The following DMD variants were observed in gnomAD, a reference collection of about 807,000 sequenced individuals.
DMD encodes dystrophin.
Under a neutral mutation model 330.1 loss-of-function variants are expected in DMD, and 63 were observed. That is an observed-to-expected ratio of 0.19 (90% CI 0.16 to 0.24). DMD has a LOEUF of 0.24. DMD is among the 10% of genes least tolerant of loss of function. The pLI, the probability that DMD is intolerant of heterozygous loss-of-function variation, is 1.00. For missense variants in DMD, 3,344 were observed against 2,684.1 expected (o/e 1.25, Z -5.43); for synonymous variants, 1,223 against 959.8 (o/e 1.27, Z -5.07).
chrX:32,808,726 C>G (rs1238144387), intron 7 of DMD, among the ~76,000 whole-genome samples: 1 of 111,772 alleles, frequency 8.9e-6, no homozygotes, highest in Non-Finnish European at 1.9e-5. Context: ...TCTTCAATCC[C>G]ACCGATTTCA....
At chrX:32,979,620 A>C (rs1489213754) in intron 2 of DMD, among the ~76,000 whole-genome samples, 3 of 112,049 alleles carry the variant, frequency 2.7e-5, no homozygotes, top group Non-Finnish European at 3.8e-5. Flanking sequence ...CTGGTAAAGA[A>C]AACAAAGAAG....
intron 6 of DMD, among the ~76,000 whole-genome samples, chrX:32,810,623 T>A (rs2077300948): frequency 8.9e-6 from 1 of 112,200 alleles, no homozygotes; most frequent in Non-Finnish European, 1.9e-5. Flanking sequence ...CTTCTGACTA[T>A]CCTCACTGCC....
At chrX:32,757,284 C>G (rs987803986) in intron 7 of DMD, among the ~76,000 whole-genome samples, 1 of 111,363 alleles carries the variant, frequency 9.0e-6, no homozygotes, top group Non-Finnish European at 1.9e-5. Context: ...CCTCTCCAAC[C>G]TAACTGAAAT....
At chrX:31,373,038 G>C (rs1478351696) in intron 60 of DMD, among the ~76,000 whole-genome samples, 15 of 110,360 alleles carry the variant, frequency 1.4e-4, no homozygotes, top group Admixed American at 6.8e-4. Flanking sequence ...AACAGACAGA[G>C]AGCCAAATCA....
intron 2 of DMD, among the ~76,000 whole-genome samples, chrX:32,912,039 G>GAT (rs1408054471): frequency 2.9e-5 from 2 of 67,856 alleles, no homozygotes; most frequent in Non-Finnish European, 5.8e-5. Flanking sequence ...GGGAGAGAGA[G>GAT]AGAGAGAGAG....
At chrX:33,050,007 C>T (rs965713693) in intron 1 of DMD, among the ~76,000 whole-genome samples, 1 of 111,526 alleles carries the variant, frequency 9.0e-6, no homozygotes, top group Non-Finnish European at 1.9e-5. Context: ...AATATTAAAA[C>T]GTGTATTTAA....
At chrX:31,344,322 G>T (rs954325106) in intron 61 of DMD, among the ~76,000 whole-genome samples, 1 of 111,394 alleles carries the variant, frequency 9.0e-6, no homozygotes, top group African/African-American at 3.3e-5. Flanking sequence ...GTATAAAAAG[G>T]ATATTAGCCA....
chrX:32,992,698 T>A (rs1393145863), intron 2 of DMD, among the ~76,000 whole-genome samples: 1 of 110,148 alleles, frequency 9.1e-6, no homozygotes, highest in Non-Finnish European at 1.9e-5. Context: ...CCTGAGGTCA[T>A]GAGTTCAAGA....
chrX:32,824,653 T>G (rs752765470), intron 4 of DMD, among the ~76,000 whole-genome samples: 2 of 111,629 alleles, frequency 1.8e-5, no homozygotes, highest in Non-Finnish European at 3.8e-5. Context: ...TGAGGGACCC[T>G]TGTAATGGTG....
chrX:33,239,711 G>T (rs1430386615), intron 1 of DMD, among the ~76,000 whole-genome samples: 2 of 111,378 alleles, frequency 1.8e-5, no homozygotes, highest in African/African-American at 6.5e-5. Flanking sequence ...GTTAAATCTA[G>T]CTAATTAACA....
chrX:32,885,838 A>C lies in DMD; in HGVS notation c.94-36018T>G, dbSNP rs1390784191. Among the ~76,000 whole-genome samples, 3 of 108,403 alleles carry C rather than the reference A, an allele frequency of 2.8e-5. No homozygotes were observed. The South Asian group carries it at 1.2e-3, about 43-fold the overall frequency. The allele number at this position is 108,403 out of a possible 115,157, so 94.1% of individuals were successfully genotyped here. On this transcript the variant is annotated intron_variant, in intron 2 of 78. Transcript: ENST00000357033. ...TTTCCCTTGAGGGGGAAAAAAAAAA[A>C]AAAAAAAAAAACCTTTCCTTTCAGG...
intron 17 of DMD, among the ~76,000 whole-genome samples, chrX:32,519,058 A>G (rs1324092460): frequency 4.4e-5 from 3 of 68,710 alleles, no homozygotes; most frequent in Non-Finnish European, 7.4e-5. Context: ...GGGATAAATT[A>G]TTCATTCTAA....
intron 2 of DMD, among the ~76,000 whole-genome samples, chrX:32,995,567 A>G (rs1199467759): frequency 8.9e-6 from 1 of 112,093 alleles, no homozygotes; most frequent in Non-Finnish European, 1.9e-5. Context: ...ATTTCACACA[A>G]TACTAGAAAT....
intron 2 of DMD, among the ~76,000 whole-genome samples, chrX:32,981,569 G>A (rs888641773): frequency 1.8e-5 from 2 of 111,518 alleles, no homozygotes; most frequent in South Asian, 7.5e-4. Flanking sequence ...CCTAGCATTT[G>A]CAAGACTAGG....
At chrX:32,736,911 TATA>T (rs769898716) in intron 7 of DMD, among the ~76,000 whole-genome samples, 82 of 110,364 alleles carry the variant, frequency 7.4e-4, no homozygotes, top group Non-Finnish European at 1.2e-3. Flanking sequence ...AAGCTTAAAG[TATA>T]ATAATAAAAG....
chrX:31,979,774 CTT>C (rs2095464286), intron 44 of DMD, among the ~76,000 whole-genome samples: 1 of 112,333 alleles, frequency 8.9e-6, no homozygotes, highest in Non-Finnish European at 1.9e-5. Flanking sequence ...CTAGTAGACT[CTT>C]CAGATAAAGT....
chrX:31,818,230 G>A (rs1213919058), intron 50 of DMD, among the ~76,000 whole-genome samples: 1 of 111,796 alleles, frequency 8.9e-6, no homozygotes, highest in Non-Finnish European at 1.9e-5. Context: ...TTAGTTTATT[G>A]TCTTTCTCTT....
chrX:32,274,143 A>G (rs1204219080), intron 43 of DMD, among the ~76,000 whole-genome samples: 1 of 111,787 alleles, frequency 8.9e-6, no homozygotes, highest in South Asian at 3.7e-4. Flanking sequence ...TATGGACACA[A>G]AATTTCTTTC....
chrX:31,548,540 A>C (rs191243879), intron 55 of DMD, among the ~76,000 whole-genome samples: 163 of 108,827 alleles, frequency 1.5e-3, no homozygotes, highest in African/African-American at 5.1e-3. Flanking sequence ...TTTGGAAATT[A>C]TGTAGCTTTT....
Sources: allele counts gnomAD v4.1 joint callset (sites outside exome capture counted in the v4.1 genomes callset), GRCh38; gene constraint gnomAD v4.1.1; transcripts MANE v1.5; gene names NCBI Gene and HGNC (gene_info 2026-07-23, HGNC 2026-07-21).